The following SBF2 variants were observed in gnomAD, a reference collection of about 807,000 sequenced individuals.
SBF2 encodes the protein myotubularin-related protein 13.
In SBF2, 112 loss-of-function variants were observed where a neutral mutation model predicts 225.2. That is an observed-to-expected ratio of 0.50 (90% CI 0.43 to 0.58). The LOEUF (loss-of-function observed/expected upper bound fraction) is 0.58. SBF2 is among the 20% of genes least tolerant of loss of function. SBF2 has a pLI of 0.00. For synonymous variants in SBF2, 763 were observed against 773.3 expected, an observed-to-expected ratio of 0.99 and a Z score of 0.22; for missense variants, 1,996 against 2,206.2, an observed-to-expected ratio of 0.90 and a Z score of 1.91.
intron 1 of SBF2, among the ~76,000 whole-genome samples, chr11:10,230,445 G>C (rs1282202173): frequency 6.6e-6 from 1 of 152,154 alleles, no homozygotes; most frequent in Non-Finnish European, 1.5e-5. Context: ...GCAGTGGCTG[G>C]TACCGGTTGT....
In SBF2 at chr11:10,177,446, T is replaced by C. The variant is rs202097330; in HGVS notation, c.141+16456A>G. Among the ~76,000 whole-genome samples, 671 of 150,476 alleles carry C rather than the reference T, an allele frequency of 4.5e-3. 14 individuals are homozygous for C. The highest frequency in any genetic ancestry group is 0.026 in the Admixed American group (396 of 14,996). On this transcript the variant is annotated intron_variant, in intron 2 of 39. Transcript: ENST00000256190. ...ATGATTGTATATCTAGAAAACCCCA[T>C]TGTCTCAGTCCAAAATCTCCTTAAG...
chr11:10,235,295 G>C (rs995745201), intron 1 of SBF2, among the ~76,000 whole-genome samples: 12 of 152,172 alleles, frequency 7.9e-5, no homozygotes, highest in Non-Finnish European at 1.8e-4. Flanking sequence ...AACACTTTGG[G>C]AGGCCAAGGC....
intron 2 of SBF2, among the ~76,000 whole-genome samples, chr11:10,119,119 C>T (rs1480540925): frequency 6.6e-6 from 1 of 151,996 alleles, no homozygotes; most frequent in Admixed American, 6.6e-5. Context: ...GGTGGAAATT[C>T]CATACTCAGA....
chr11:10,000,982 C>T lies in SBF2; in HGVS notation c.793G>A (p.Val265Ile), dbSNP rs1655963955. Reference sequence around the variant, plus strand: ...ATGAAAGGCGTTGGGGAACTTAGAACTTCCAGTAGCTGAGCCGGGAGAATA... The same window carrying T: ...ATGAAAGGCGTTGGGGAACTTAGAATTTCCAGTAGCTGAGCCGGGAGAATA... ...IPILPAQLLE[V>I]LSSPTPFIIG... Residue 265 changes from valine (V) to isoleucine (I), a missense_variant, in exon 8 of 40, where the codon GTT becomes ATT. Coordinates refer to ENST00000256190, the MANE Select transcript of SBF2 (RefSeq NM_030962.4). 1.2e-6 allele frequency: 2 copies of T among 1,604,560 alleles called. No homozygotes were observed. Among genetic ancestry groups the T allele is most frequent in the Non-Finnish European group, 1.7e-6 (2 of 1,171,512 alleles).
chr11:10,164,414 A>C (rs1360802591), intron 2 of SBF2, among the ~76,000 whole-genome samples: 1 of 152,206 alleles, frequency 6.6e-6, no homozygotes, highest in Non-Finnish European at 1.5e-5. Flanking sequence ...GCAAAACTTT[A>C]AACTAAAAGA....
intron 13 of SBF2, among the ~76,000 whole-genome samples, chr11:9,974,667 A>G (rs983635744): frequency 1.3e-5 from 2 of 151,632 alleles, no homozygotes; most frequent in South Asian, 2.1e-4. Context: ...AAAAAAAAAA[A>G]AAAAGAAAAG....
At chr11:9,867,176 T>C (rs773799083) in intron 17 of SBF2, among the ~76,000 whole-genome samples, 3 of 152,190 alleles carry the variant, frequency 2.0e-5, no homozygotes, top group Non-Finnish European at 1.5e-5. Context: ...TGGGGATGGA[T>C]ACCCCATTTT....
chr11:10,180,103 T>C (rs980804058), intron 2 of SBF2, among the ~76,000 whole-genome samples: 1 of 152,200 alleles, frequency 6.6e-6, no homozygotes, highest in Non-Finnish European at 1.5e-5. Context: ...TTTTATTGGT[T>C]CATCTTTTAG....
chr11:9,994,058 G>C (rs1947557900), intron 9 of SBF2, 60 bp from the exon 10 acceptor site: 1 of 1,075,156 alleles, frequency 9.3e-7, no homozygotes, highest in Admixed American at 1.8e-5. Context: ...CTATTATTGA[G>C]ACATTAAGAT....
At chr11:9,840,022 C>A (rs1308290352) in intron 25 of SBF2, among the ~76,000 whole-genome samples, 1 of 152,216 alleles carries the variant, frequency 6.6e-6, no homozygotes, top group Non-Finnish European at 1.5e-5. Flanking sequence ...ATCACAAGGT[C>A]AGGAGTTCGA....
intron 1 of SBF2, among the ~76,000 whole-genome samples, chr11:10,224,084 A>G (rs2135413988): frequency 6.6e-6 from 1 of 152,252 alleles, no homozygotes; most frequent in South Asian, 2.1e-4. Flanking sequence ...ATTTTATGGT[A>G]AGATAGACTA....
At chr11:9,871,222 G>C (rs953953087) in intron 17 of SBF2, among the ~76,000 whole-genome samples, 2 of 151,624 alleles carry the variant, frequency 1.3e-5, no homozygotes, top group Non-Finnish European at 2.9e-5. Flanking sequence ...CTACAGAATG[G>C]GAGAAAATTT....
At chr11:9,878,860 C>A (rs958203773) in intron 17 of SBF2, among the ~76,000 whole-genome samples, 1 of 152,170 alleles carries the variant, frequency 6.6e-6, no homozygotes, top group Non-Finnish European at 1.5e-5. Flanking sequence ...CTGAAACATG[C>A]CTATGACCGA....
At chr11:9,786,724 T>C (rs901516692) in intron 36 of SBF2, among the ~76,000 whole-genome samples, 4 of 152,210 alleles carry the variant, frequency 2.6e-5, no homozygotes, top group Non-Finnish European at 5.9e-5. Flanking sequence ...CTGTTCCTTG[T>C]GTAGGAGAGG....
chr11:10,295,969 T>C (rs1386099939), upstream of SBF2, among the ~76,000 whole-genome samples: 3 of 152,190 alleles, frequency 2.0e-5, no homozygotes, highest in Non-Finnish European at 4.4e-5. Flanking sequence ...GCTGTACAAC[T>C]ACCATGTCTA....
At chr11:10,054,615 A>AG (rs780931236) in intron 2 of SBF2, among the ~76,000 whole-genome samples, 108 of 152,366 alleles carry the variant, frequency 7.1e-4, no homozygotes, top group Admixed American at 1.6e-3. Context: ...CAACGGAGTG[A>AG]ACAGACAACT....
intron 2 of SBF2, 110 bp from the exon 3 acceptor site, chr11:10,043,091 G>T: frequency 9.4e-7 from 1 of 1,069,496 alleles, no homozygotes; most frequent in Non-Finnish European, 1.4e-6. Context: ...TACCTGATGT[G>T]GTATGAGTCT....
At chr11:9,910,718 T>G (rs1590409092) in intron 16 of SBF2, among the ~76,000 whole-genome samples, 1 of 151,716 alleles carries the variant, frequency 6.6e-6, no homozygotes, top group Non-Finnish European at 1.5e-5. Context: ...AAAAACAACT[T>G]TTTTTTACTT....
intron 17 of SBF2, among the ~76,000 whole-genome samples, chr11:9,891,832 C>T (rs541766205): frequency 1.1e-4 from 16 of 152,160 alleles, no homozygotes; most frequent in Non-Finnish European, 2.4e-4. Flanking sequence ...GGATCTAAGA[C>T]AGGCGATGTT....
Sources: gnomAD v4.1 joint callset for allele counts (sites outside exome capture counted in the v4.1 genomes callset) on GRCh38, gnomAD v4.1.1 for gene constraint, MANE v1.5 for transcripts, NCBI Gene and HGNC (gene_info 2026-07-23, HGNC 2026-07-21) for gene names.